Variants in KCNH8 observed in about 807,000 individuals in gnomAD.
KCNH8 encodes the protein potassium voltage-gated channel subfamily H member 8.
In KCNH8, 70 loss-of-function variants were observed where a neutral mutation model predicts 103.6. The observed-to-expected ratio is 0.68, with a 90% CI of 0.56 to 0.82. KCNH8 has a LOEUF of 0.82. Ranked by LOEUF, KCNH8 falls within the 40% of genes least tolerant of loss-of-function variation. The probability of loss-of-function intolerance (pLI) is 0.00; values close to 1 mark genes in which losing one functional copy is unlikely to be tolerated. For missense variants in KCNH8, 1,217 were observed against 1,329.9 expected (o/e 0.92, Z 1.32); for synonymous variants, 498 against 489.4 (o/e 1.02, Z -0.23).
chr3:19,205,579 C>A (rs2125220983), intron 1 of KCNH8, among the ~76,000 whole-genome samples: 1 of 151,980 alleles, frequency 6.6e-6, no homozygotes, highest in African/African-American at 2.4e-5. Context: ...TGAAAGCCAC[C>A]CCACTAATTT....
chr3:19,336,987 A>T (rs1214168123), intron 3 of KCNH8, among the ~76,000 whole-genome samples: 3 of 152,090 alleles, frequency 2.0e-5, no homozygotes, highest in Non-Finnish European at 4.4e-5. Context: ...GACCCTTTCT[A>T]GCAGAGAAAA....
At chr3:19,396,779 G>C (rs955707531) in intron 7 of KCNH8, among the ~76,000 whole-genome samples, 10 of 151,904 alleles carry the variant, frequency 6.6e-5, no homozygotes, top group African/African-American at 2.4e-4. Context: ...TGTCTTGAAG[G>C]CTTCCTCATC....
intron 15 of KCNH8, among the ~76,000 whole-genome samples, chr3:19,528,164 G>A (rs953672831): frequency 7.9e-5 from 12 of 152,006 alleles, no homozygotes; most frequent in African/African-American, 2.9e-4. Flanking sequence ...AAATAAGAAT[G>A]TATATTGTTA....
intron 1 of KCNH8, among the ~76,000 whole-genome samples, chr3:19,208,787 T>C (rs1483979759): frequency 1.3e-5 from 2 of 152,038 alleles, no homozygotes; most frequent in East Asian, 1.9e-4. Flanking sequence ...CCTATTTGTG[T>C]TGATGTTGGT....
chr3:19,292,935 T>C (rs1306786828), intron 3 of KCNH8, among the ~76,000 whole-genome samples: 1 of 152,204 alleles, frequency 6.6e-6, no homozygotes, highest in Non-Finnish European at 1.5e-5. Flanking sequence ...CACGTGGCCA[T>C]GGCCATTTCT....
intron 5 of KCNH8, 99 bp downstream of exon 5, chr3:19,348,064 T>C (rs2065751814): frequency 5.0e-5 from 71 of 1,427,692 alleles, no homozygotes; most frequent in Non-Finnish European, 6.6e-5. Flanking sequence ...TCCATTTGCA[T>C]GGGCTTGATT....
intron 11 of KCNH8, among the ~76,000 whole-genome samples, chr3:19,463,283 C>A (rs550302906): frequency 2.0e-5 from 3 of 152,048 alleles, no homozygotes; most frequent in Non-Finnish European, 4.4e-5. Context: ...TCAGAGTAGT[C>A]CTATGCATTA....
At chr3:19,241,074 A>G (rs1284561747) in intron 1 of KCNH8, among the ~76,000 whole-genome samples, 1 of 152,098 alleles carries the variant, frequency 6.6e-6, no homozygotes, top group East Asian at 1.9e-4. Context: ...ACACTAATTA[A>G]GATACCTCTG....
At chr3:19,370,677 T>C (rs539645409) in intron 5 of KCNH8, among the ~76,000 whole-genome samples, 3 of 152,162 alleles carry the variant, frequency 2.0e-5, no homozygotes, top group Admixed American at 2.0e-4. Context: ...TTTACATATG[T>C]ATACATGTGC....
At chr3:19,519,359 A>C (rs988407244) in intron 15 of KCNH8, among the ~76,000 whole-genome samples, 4 of 151,778 alleles carry the variant, frequency 2.6e-5, no homozygotes, top group Non-Finnish European at 1.5e-5. Context: ...AATGAAGTTC[A>C]CATAACTTCC....
At chr3:19,277,933 C>G (rs2064697979) in intron 2 of KCNH8, among the ~76,000 whole-genome samples, 1 of 152,028 alleles carries the variant, frequency 6.6e-6, no homozygotes, top group South Asian at 2.1e-4. Flanking sequence ...CCCTCTGACT[C>G]TGCTCTTATC....
intron 11 of KCNH8, among the ~76,000 whole-genome samples, chr3:19,491,446 C>T (rs1249975206): frequency 1.3e-5 from 2 of 152,164 alleles, no homozygotes; most frequent in African/African-American, 4.8e-5. Context: ...TTCTGTCCCC[C>T]ATTAGTTTGC....
At chr3:19,370,960 T>A (rs2066083335) in intron 5 of KCNH8, among the ~76,000 whole-genome samples, 1 of 152,142 alleles carries the variant, frequency 6.6e-6, no homozygotes, top group Non-Finnish European at 1.5e-5. Context: ...TATGGCTGCA[T>A]AGTATTCCAT....
chr3:19,315,358 G>A lies in KCNH8; in HGVS notation c.443-27229G>A, dbSNP rs933787872. ...CTGGGGGACACAACTAAGGTAATGA[G>A]AAAGGAAAAGTTGCCTGCACTCTCT... On this transcript the variant is annotated intron_variant, in intron 3 of 15. Coordinates refer to ENST00000328405, the MANE Select transcript of KCNH8 (RefSeq NM_144633.3). Among the ~76,000 whole-genome samples, 6 of 151,978 alleles carry A rather than the reference G, an allele frequency of 3.9e-5. No individual in the cohort carries two copies. In the East Asian group the frequency reaches 1.2e-3, roughly 29 times the overall value.
chr3:19,444,144 A>C (rs1467886262), intron 8 of KCNH8, among the ~76,000 whole-genome samples: 1 of 152,122 alleles, frequency 6.6e-6, no homozygotes, highest in African/African-American at 2.4e-5. Context: ...AATGTATTTC[A>C]AAGTTACAGT....
rs549355573 is a variant in KCNH8, at chr3:19,215,831, C to T, written c.77-37823C>T. 2.0e-5 allele frequency among the ~76,000 whole-genome samples: 3 copies of T among 152,312 alleles called. No homozygotes were observed. The East Asian group carries it at 5.8e-4, about 29-fold the overall frequency. The stretch of plus-strand genomic sequence containing the variant: ...GTCAGAAAGGTGATTACACTCTCTT[C>T]GGCATAGCCATGTTTTCTTTGTGGC... On this transcript the variant is annotated intron_variant, in intron 1 of 15. Coordinates refer to ENST00000328405, the MANE Select transcript of KCNH8 (RefSeq NM_144633.3).
At chr3:19,452,238 A>T (rs1417991940) in intron 10 of KCNH8, among the ~76,000 whole-genome samples, 1 of 152,040 alleles carries the variant, frequency 6.6e-6, no homozygotes, top group Non-Finnish European at 1.5e-5. Context: ...ACAAATAATT[A>T]GCTGGCCATG....
At chr3:19,495,745 T>C (rs2068425957) in intron 11 of KCNH8, among the ~76,000 whole-genome samples, 1 of 152,030 alleles carries the variant, frequency 6.6e-6, no homozygotes, top group Non-Finnish European at 1.5e-5. Flanking sequence ...ATGAAGAATG[T>C]CACTGGCAGT....
At chr3:19,170,666 A>G (rs1163562342) in intron 1 of KCNH8, among the ~76,000 whole-genome samples, 1 of 141,072 alleles carries the variant, frequency 7.1e-6, no homozygotes, top group Non-Finnish European at 1.5e-5. Flanking sequence ...ATATACACAC[A>G]TATATATACA....
Sources: gnomAD v4.1 joint callset for allele counts (sites outside exome capture counted in the v4.1 genomes callset) on GRCh38, gnomAD v4.1.1 for gene constraint, MANE v1.5 for transcripts, NCBI Gene and HGNC (gene_info 2026-07-23, HGNC 2026-07-21) for gene names.